Variants in RNFT2 observed in about 807,000 individuals in gnomAD.
The protein encoded by RNFT2 is E3 ubiquitin-protein ligase RNFT2.
RNFT2 carries 36 observed loss-of-function variants against 53.0 expected under a neutral mutation model. The observed-to-expected ratio is 0.68, with a 90% CI of 0.52 to 0.90. RNFT2 has a LOEUF of 0.90. RNFT2 is among the 40% of genes least tolerant of loss of function. The pLI is 0.00. For missense variants in RNFT2, 514 were observed against 585.6 expected, an observed-to-expected ratio of 0.88 and a Z score of 1.26; for synonymous variants, 260 against 253.2, an observed-to-expected ratio of 1.03 and a Z score of -0.26.
At chr12:116,771,343 C>T (rs1268379839) in intron 6 of RNFT2, among the ~76,000 whole-genome samples, 1 of 150,828 alleles carries the variant, frequency 6.6e-6, no homozygotes, top group East Asian at 1.9e-4. Flanking sequence ...ACCTATAGTC[C>T]CCGCTACCCT....
chr12:116,805,626 C>T (rs1274254508), intron 7 of RNFT2, among the ~76,000 whole-genome samples: 10 of 152,152 alleles, frequency 6.6e-5, no homozygotes, highest in Admixed American at 6.5e-4. Context: ...AGGTGTGAGC[C>T]GCCACACTGG....
rs201262887 is a variant in RNFT2 at position 116,852,377 on chromosome 12, T to G, written c.*2929T>G. On this transcript the variant is annotated 3_prime_UTR_variant, in exon 11 of 11. Coordinates refer to ENST00000257575, the MANE Select transcript of RNFT2 (RefSeq NM_001382266.1). The stretch of plus-strand genomic sequence containing the variant: ...CCCCTGTGTGCCACCAAACCAGGAC[T>G]TTCCCCTTGGCTTGGCATCCCTGGC... The G allele has an allele frequency of 7.7e-7, 1 of 1,302,244 alleles. No homozygotes were observed. The allele number at this position is 1,302,244 out of a possible 1,614,324, so 80.7% of individuals were successfully genotyped here. A position where few individuals can be genotyped will look rare whatever the true frequency, so the allele number is the denominator to read the frequency against.
intron 7 of RNFT2, among the ~76,000 whole-genome samples, chr12:116,816,829 CA>C (rs1875706358): frequency 6.6e-6 from 1 of 151,620 alleles, no homozygotes; most frequent in South Asian, 2.1e-4. Context: ...GGTATAAAAA[CA>C]AAAAATAACA....
intron 10 of RNFT2, among the ~76,000 whole-genome samples, chr12:116,845,917 C>T (rs762264591): frequency 1.3e-5 from 2 of 152,184 alleles, no homozygotes; most frequent in Non-Finnish European, 1.5e-5. Context: ...AATGTTCTAT[C>T]TCTATCCCAT....
intron 7 of RNFT2, among the ~76,000 whole-genome samples, chr12:116,787,842 T>TA (rs1281809655): frequency 6.6e-6 from 1 of 152,194 alleles, no homozygotes; most frequent in Non-Finnish European, 1.5e-5. Flanking sequence ...GCATCTTACT[T>TA]ACTCATCCCT....
chr12:116,852,315 C>T lies in RNFT2; in HGVS notation c.*2867C>T. 1 of 1,253,090 alleles carries T rather than the reference C, an allele frequency of 8.0e-7. No individual in the cohort carries two copies. Among genetic ancestry groups the T allele is most frequent in the South Asian group, 2.1e-5 (1 of 46,902 alleles). The allele number at this position is 1,253,090 out of a possible 1,614,324, so 77.6% of individuals were successfully genotyped here. ...CGCTGTCAGCCAGTATTAACATGTC[C>T]CCTTCCCCCTGCCCCGCCGTAGATT... is the stretch of plus-strand genomic sequence containing the variant. On this transcript the variant is annotated 3_prime_UTR_variant, in exon 11 of 11. Transcript: ENST00000257575.
At chr12:116,744,225 C>CAAA (rs5801197) in intron 3 of RNFT2, among the ~76,000 whole-genome samples, 26 of 99,962 alleles carry the variant, frequency 2.6e-4, no homozygotes, top group Non-Finnish European at 3.3e-4. Flanking sequence ...GACTCCTCCT[C>CAAA]AAAAAAAAAA....
intron 4 of RNFT2, 44 bp from the exon 5 acceptor site, chr12:116,753,940 G>T (rs780118794): frequency 2.6e-6 from 4 of 1,540,920 alleles, no homozygotes; most frequent in Non-Finnish European, 3.6e-6. Context: ...GGCTAGGCCT[G>T]ATGAGTCTAA....
intron 6 of RNFT2, among the ~76,000 whole-genome samples, 176 bp from the exon 7 acceptor site, chr12:116,779,019 T>A (rs1015348813): frequency 6.6e-6 from 1 of 152,194 alleles, no homozygotes; most frequent in Admixed American, 6.5e-5. Context: ...GGTTAAAAGA[T>A]CCACGTGAGG....
chr12:116,745,773 C>T lies in RNFT2; in HGVS notation c.84-4068C>T, dbSNP rs1173568703. 7.2e-5 allele frequency among the ~76,000 whole-genome samples: 11 copies of T among 152,284 alleles called. No homozygotes were observed. In the East Asian group the frequency reaches 2.1e-3, roughly 29 times the overall value. On this transcript the variant is annotated intron_variant, in intron 3 of 10. Coordinates refer to ENST00000257575, the MANE Select transcript of RNFT2 (RefSeq NM_001382266.1). ...GGCCTTCTCAGAGCGTTTAGTATGC[C>T]TGTTCATGTATTCTTTCAAACACTT...
At position 116,750,063 on chromosome 12, in the gene RNFT2, C is replaced by T; in HGVS notation, c.306C>T (p.Gly102=). Residue 102 remains glycine, a synonymous_variant, in exon 4 of 11, where the codon GGC becomes GGT. Coordinates refer to ENST00000257575, the MANE Select transcript of RNFT2 (RefSeq NM_001382266.1). ...CCAGGGAGGAAGGAGGGGGCCGGGG[C>T]GAGGGGGGCGCCTACCACCACCGCC... ...PASREEGGGR[G]EGGAYHHRQP... The T allele has an allele frequency of 6.5e-7, 1 of 1,544,760 alleles. No individual in the cohort carries two copies.
At chr12:116,818,041 G>T in intron 7 of RNFT2, among the ~76,000 whole-genome samples, 1 of 152,196 alleles carries the variant, frequency 6.6e-6, no homozygotes, top group East Asian at 1.9e-4. Flanking sequence ...ACGGGAAAGG[G>T]CTTTCTCTGT....
chr12:116,806,726 GAT>G (rs1875100511), intron 7 of RNFT2, among the ~76,000 whole-genome samples: 1 of 142,896 alleles, frequency 7.0e-6, no homozygotes, highest in African/African-American at 2.7e-5. Flanking sequence ...CACCCTGAGT[GAT>G]ACAAGAGACC....
intron 10 of RNFT2, among the ~76,000 whole-genome samples, chr12:116,845,887 G>A (rs1224438046): frequency 2.6e-5 from 4 of 152,138 alleles, no homozygotes; most frequent in Non-Finnish European, 5.9e-5. Context: ...GCTTTGCACA[G>A]GAGACTTCCT....
intron 7 of RNFT2, among the ~76,000 whole-genome samples, chr12:116,798,523 C>G (rs1874614797): frequency 6.6e-6 from 1 of 152,150 alleles, no homozygotes; most frequent in Non-Finnish European, 1.5e-5. Context: ...ATTTTCTCAT[C>G]TGTAAAATGG....
rs777211877 is a variant in RNFT2 at position 116,836,201 on chromosome 12, C to T, written c.1119C>T (p.Thr373=). The T allele has an allele frequency of 8.1e-6, 13 of 1,595,350 alleles. No individual in the cohort carries two copies. Among genetic ancestry groups the T allele is most frequent in the East Asian group, 2.3e-5 (1 of 43,986 alleles). ...CAAAGAACTATGGAGTCCGAGCCAC[C>T]GGGCAGCAGTGCACAGAAGCTGGTG... is the stretch of plus-strand genomic sequence containing the variant. ...CTSQNYGVRA[T]GQQCTEAGDI... is the part of the protein sequence containing the mutation. Residue 373 remains threonine (T), a synonymous_variant, in exon 10 of 11, where the codon ACC becomes ACT. Transcript: ENST00000257575.
At chr12:116,750,889 A>G (rs1416833559) in intron 4 of RNFT2, among the ~76,000 whole-genome samples, 3 of 1,300 alleles carry the variant, frequency 2.3e-3, no homozygotes, top group Admixed American at 0.011. Context: ...TATTATATAT[A>G]TAATATATAT....
chr12:116,852,025 T>G lies in RNFT2; in HGVS notation c.*2577T>G, dbSNP rs1877953951. ...TGGCATGGAGCACCGTAACCATCTG[T>G]GCTTCTGTGATCTCTATGACAGAGC... is the stretch of plus-strand genomic sequence containing the variant. On this transcript the variant is annotated 3_prime_UTR_variant, in exon 11 of 11. Transcript: ENST00000257575. The G allele has an allele frequency of 7.6e-7, 1 of 1,322,986 alleles. No individual in the cohort carries two copies. Among genetic ancestry groups the G allele is most frequent in the Admixed American group, 2.7e-5 (1 of 37,074 alleles). The allele number at this position is 1,322,986 out of a possible 1,614,324, so 82.0% of individuals were successfully genotyped here.
chr12:116,785,171 C>T (rs1353235473), intron 7 of RNFT2, among the ~76,000 whole-genome samples: 4 of 151,690 alleles, frequency 2.6e-5, no homozygotes, highest in Non-Finnish European at 4.4e-5. Context: ...TCTAATGGAT[C>T]CTTGAGGCGT....
Sources: allele counts gnomAD v4.1 joint callset (sites outside exome capture counted in the v4.1 genomes callset), GRCh38; gene constraint gnomAD v4.1.1; transcripts MANE v1.5; gene names NCBI Gene and HGNC (gene_info 2026-07-23, HGNC 2026-07-21).